Variants in SLC25A21 observed in about 807,000 individuals in gnomAD.
The protein encoded by SLC25A21 is solute carrier family 25 member 21.
In SLC25A21, 47 loss-of-function variants were observed where a neutral mutation model predicts 43.8. That is an observed-to-expected ratio of 1.07 (90% CI 0.85 to 1.37). The LOEUF (loss-of-function observed/expected upper bound fraction) is 1.37. Ranked by LOEUF, SLC25A21 falls within the 40% of genes most tolerant of loss-of-function variation. The probability of loss-of-function intolerance (pLI) is 0.00; values close to 1 mark genes in which losing one functional copy is unlikely to be tolerated. For missense variants in SLC25A21, 352 were observed against 350.2 expected, an observed-to-expected ratio of 1.00 and a Z score of -0.04; for synonymous variants, 131 against 121.3, an observed-to-expected ratio of 1.08 and a Z score of -0.52.
intron 1 of SLC25A21, among the ~76,000 whole-genome samples, chr14:37,102,896 A>G (rs1962843358): frequency 6.6e-6 from 1 of 151,942 alleles, no homozygotes; most frequent in Non-Finnish European, 1.5e-5. Context: ...GAGGCAGGAG[A>G]ATCGCTTGAA....
At chr14:36,811,141 A>G (rs1224399182) in intron 3 of SLC25A21, among the ~76,000 whole-genome samples, 1 of 152,192 alleles carries the variant, frequency 6.6e-6, no homozygotes, top group Non-Finnish European at 1.5e-5. Context: ...AAGAAGGATC[A>G]TGCCACAAAA....
chr14:36,835,994 C>T (rs1263829911), intron 2 of SLC25A21, among the ~76,000 whole-genome samples: 1 of 152,204 alleles, frequency 6.6e-6, no homozygotes, highest in East Asian at 1.9e-4. Context: ...ATATCTTTCG[C>T]TGAGTGAACA....
intron 7 of SLC25A21, among the ~76,000 whole-genome samples, chr14:36,701,585 A>G (rs534174617): frequency 2.0e-5 from 3 of 152,340 alleles, no homozygotes; most frequent in African/African-American, 7.2e-5. Context: ...ATTATAAAAT[A>G]TACATATATA....
intron 1 of SLC25A21, among the ~76,000 whole-genome samples, chr14:36,905,975 G>A (rs1425228480): frequency 6.6e-6 from 1 of 152,126 alleles, no homozygotes; most frequent in Admixed American, 6.6e-5. Context: ...AGTGACCGGC[G>A]ATATGCAGAA....
chr14:36,910,707 TCTC>T (rs947682523), intron 1 of SLC25A21, among the ~76,000 whole-genome samples: 6 of 152,196 alleles, frequency 3.9e-5, no homozygotes, highest in African/African-American at 1.4e-4. Context: ...TTTGTGGTCT[TCTC>T]CTAGAAGTAT....
chr14:37,129,111 G>C (rs1300934826), intron 1 of SLC25A21, among the ~76,000 whole-genome samples: 1 of 152,182 alleles, frequency 6.6e-6, no homozygotes, highest in Non-Finnish European at 1.5e-5. Flanking sequence ...CATCAATGCA[G>C]AAAGGTGTGC....
In SLC25A21 at chr14:37,156,878, C is replaced by G. The variant is rs184705729; in HGVS notation, c.70+15403G>C. The stretch of plus-strand genomic sequence containing the variant: ...TTCATCACTAGACAGATCATCTACA[C>G]AAAATATCAACAAAGAAACACTGAA... On this transcript the variant is annotated intron_variant, in intron 1 of 9. Coordinates refer to ENST00000331299, the MANE Select transcript of SLC25A21 (RefSeq NM_030631.4). 3.9e-5 allele frequency among the ~76,000 whole-genome samples: 6 copies of G among 152,242 alleles called. No homozygotes were observed. The East Asian group carries it at 7.7e-4, about 20-fold the overall frequency.
intron 1 of SLC25A21, among the ~76,000 whole-genome samples, chr14:37,099,023 G>C (rs1160218351): frequency 6.6e-6 from 1 of 151,890 alleles, no homozygotes; most frequent in East Asian, 1.9e-4. Context: ...GGCTGGTCTT[G>C]AACCCCCGAC....
rs564409100 is a variant in SLC25A21, at chr14:37,060,255, C to G, written c.70+112026G>C. ...GTGCCCACACCAGAATCCGATCATGCTGACACTGTGATCTCAGATTTACAG... is the reference window on the plus strand; with the variant it reads ...GTGCCCACACCAGAATCCGATCATGGTGACACTGTGATCTCAGATTTACAG... On this transcript the variant is annotated intron_variant, in intron 1 of 9. Transcript: ENST00000331299. Among the ~76,000 whole-genome samples, 23 of 151,924 alleles carry G rather than the reference C, an allele frequency of 1.5e-4. 1 individual carries two copies. In the South Asian group the frequency reaches 4.8e-3, roughly 32 times the overall value.
intron 1 of SLC25A21, among the ~76,000 whole-genome samples, chr14:36,893,955 G>GT (rs1326187168): frequency 6.6e-5 from 10 of 152,184 alleles, no homozygotes; most frequent in African/African-American, 2.4e-4. Flanking sequence ...TTGTAGTATA[G>GT]TTTGAAGTCA....
At chr14:36,752,555 A>G (rs188732516) in intron 3 of SLC25A21, among the ~76,000 whole-genome samples, 40 of 152,246 alleles carry the variant, frequency 2.6e-4, no homozygotes, top group African/African-American at 9.2e-4. Flanking sequence ...TGGGGATATT[A>G]TACAGCCTTA....
intron 1 of SLC25A21, among the ~76,000 whole-genome samples, chr14:37,008,316 AG>A (rs775364960): frequency 2.0e-5 from 3 of 152,246 alleles, no homozygotes; most frequent in Non-Finnish European, 4.4e-5. Context: ...GATGAATTAC[AG>A]AACAAAATTG....
intron 2 of SLC25A21, among the ~76,000 whole-genome samples, chr14:36,855,714 A>G (rs998895688): frequency 6.6e-6 from 1 of 152,148 alleles, no homozygotes; most frequent in Non-Finnish European, 1.5e-5. Context: ...AGGTCTCCCC[A>G]TGTGTGGAGC....
At chr14:36,756,851 G>A (rs1413819391) in intron 3 of SLC25A21, among the ~76,000 whole-genome samples, 1 of 152,116 alleles carries the variant, frequency 6.6e-6, no homozygotes, top group East Asian at 1.9e-4. Flanking sequence ...AAGTGTAAAT[G>A]GGACTTTTTG....
intron 3 of SLC25A21, among the ~76,000 whole-genome samples, chr14:36,797,869 G>T (rs1024266906): frequency 1.2e-4 from 18 of 152,138 alleles, no homozygotes; most frequent in Admixed American, 1.2e-3. Context: ...ATAAACATTA[G>T]ATTATTTTTA....
rs147617743 is a variant in SLC25A21 at position 37,155,331 on chromosome 14, T to C, written c.70+16950A>G. ...CTGAATTTATAAATTATCAGTATCC[T>C]AGAGGACAAAGAAACAAAGAGAAGA... On this transcript the variant is annotated intron_variant, in intron 1 of 9. Transcript: ENST00000331299. Among the ~76,000 whole-genome samples, 958 of 152,258 alleles carry C rather than the reference T, an allele frequency of 6.3e-3. 9 individuals are homozygous for C. The highest frequency in any genetic ancestry group is 0.02 in the African/African-American group (826 of 41,552).
At chr14:36,739,465 G>A (rs2139237261) in intron 3 of SLC25A21, among the ~76,000 whole-genome samples, 1 of 152,208 alleles carries the variant, frequency 6.6e-6, no homozygotes, top group South Asian at 2.1e-4. Context: ...ATCACGTGAG[G>A]TCAGGAGTTC....
intron 3 of SLC25A21, among the ~76,000 whole-genome samples, chr14:36,737,148 G>A (rs1182501504): frequency 2.0e-5 from 3 of 152,306 alleles, no homozygotes; most frequent in African/African-American, 7.2e-5. Flanking sequence ...ACATGGGCAA[G>A]CACTTCTCTG....
rs533050099 is a variant in SLC25A21, at chr14:37,141,508, TA to T, written c.70+30772del. Among the ~76,000 whole-genome samples the T allele has an allele frequency of 4.4e-3, 665 of 149,846 alleles. 2 individuals are homozygous for T. The highest frequency in any genetic ancestry group is 0.024 in the Middle Eastern group (7 of 286). The stretch of plus-strand genomic sequence containing the variant: ...TATTTCTTTCAATTAACTGCGTTTT[TA>T]AAAAAAAAACTGAAATATAAAAATA... On this transcript the variant is annotated intron_variant, in intron 1 of 9. Coordinates refer to ENST00000331299, the MANE Select transcript of SLC25A21 (RefSeq NM_030631.4).
Sources: gnomAD v4.1 joint callset for allele counts (sites outside exome capture counted in the v4.1 genomes callset) on GRCh38, gnomAD v4.1.1 for gene constraint, MANE v1.5 for transcripts, NCBI Gene and HGNC (gene_info 2026-07-23, HGNC 2026-07-21) for gene names.